Variants in GPC6 observed in about 807,000 individuals in gnomAD.
GPC6 encodes the protein glypican-6.
GPC6 carries 14 observed loss-of-function variants against 55.2 expected under a neutral mutation model. The ratio of observed to expected loss-of-function variants is 0.25; its 90% CI spans 0.17 to 0.40. The LOEUF is 0.40. Ranked by LOEUF, GPC6 falls within the 10% of genes least tolerant of loss-of-function variation. The pLI, the probability that GPC6 is intolerant of heterozygous loss-of-function variation, is 1.00. For synonymous variants in GPC6, 278 were observed against 259.6 expected (o/e 1.07, Z -0.68); for missense variants, 641 against 708.5 (o/e 0.90, Z 1.08).
intron 2 of GPC6, among the ~76,000 whole-genome samples, chr13:93,708,537 T>G (rs532360805): frequency 6.6e-6 from 1 of 151,916 alleles, no homozygotes; most frequent in East Asian, 2.0e-4. Context: ...TCCTCTGATA[T>G]TCACTTACTG....
At chr13:93,676,618 A>G (rs1881644140) in intron 2 of GPC6, among the ~76,000 whole-genome samples, 2 of 152,092 alleles carry the variant, frequency 1.3e-5, no homozygotes, top group Non-Finnish European at 2.9e-5. Flanking sequence ...GATAAACTTC[A>G]TAAACTGACA....
chr13:93,424,554 CTA>C (rs537556580), intron 1 of GPC6, among the ~76,000 whole-genome samples: 73 of 152,042 alleles, frequency 4.8e-4, no homozygotes, highest in Non-Finnish European at 8.8e-4. Context: ...CCACTGAACT[CTA>C]AAAATCTTTT....
At chr13:93,745,190 T>C (rs1884357778) in intron 2 of GPC6, among the ~76,000 whole-genome samples, 1 of 152,128 alleles carries the variant, frequency 6.6e-6, no homozygotes. Context: ...ATTGCTTACC[T>C]GACTTCCTTT....
intron 2 of GPC6, among the ~76,000 whole-genome samples, chr13:93,647,886 T>C (rs986866174): frequency 6.6e-6 from 1 of 152,076 alleles, no homozygotes; most frequent in African/African-American, 2.4e-5. Flanking sequence ...CTACCACCAG[T>C]CTTCTTGAAT....
chr13:93,528,605 G>A (rs188179004), intron 1 of GPC6, among the ~76,000 whole-genome samples: 1 of 152,250 alleles, frequency 6.6e-6, no homozygotes, highest in Admixed American at 6.5e-5. Flanking sequence ...TCAGGCTCTA[G>A]GACTAAAAAC....
At position 94,280,532 on chromosome 13, in the gene GPC6, G is replaced by A. The variant is rs555223291; in HGVS notation, c.878-5817G>A. 1.2e-4 allele frequency among the ~76,000 whole-genome samples: 19 copies of A among 152,296 alleles called. No homozygotes were observed. In the South Asian group the frequency reaches 2.3e-3, roughly 18 times the overall value. ...CGTGCCTGTCTCCAGCACTCCACAG[G>A]AGACAGCAGTGCCCCTAGTTACATT... On this transcript the variant is annotated intron_variant, in intron 4 of 8. Transcript: ENST00000377047.
intron 2 of GPC6, among the ~76,000 whole-genome samples, chr13:93,607,907 G>A (rs1878310382): frequency 1.3e-5 from 2 of 152,144 alleles, no homozygotes; most frequent in South Asian, 2.1e-4. Flanking sequence ...CTGCAATCCT[G>A]GCTGCCACCT....
intron 1 of GPC6, among the ~76,000 whole-genome samples, chr13:93,387,264 C>T (rs1288990406): frequency 6.6e-6 from 1 of 151,938 alleles, no homozygotes. Flanking sequence ...GCTATCAACC[C>T]GTCATCCAGG....
At chr13:93,824,198 T>C (rs904831639) in intron 2 of GPC6, among the ~76,000 whole-genome samples, 2 of 152,216 alleles carry the variant, frequency 1.3e-5, no homozygotes, top group Admixed American at 1.3e-4. Flanking sequence ...CCTTATATAA[T>C]TGCTTTTTAA....
intron 3 of GPC6, among the ~76,000 whole-genome samples, chr13:93,940,413 AATGG>A (rs141500976): frequency 0.21 from 32,088 of 149,900 alleles, 3,484 homozygotes; most frequent in Middle Eastern, 0.26. Flanking sequence ...TGGATGGATG[AATGG>A]ATGGATGGAT....
At chr13:93,670,362 A>T (rs1251080262) in intron 2 of GPC6, among the ~76,000 whole-genome samples, 2 of 152,224 alleles carry the variant, frequency 1.3e-5, no homozygotes, top group Non-Finnish European at 1.5e-5. Flanking sequence ...GTTCTTGAAG[A>T]TAATACTACT....
chr13:93,222,566 C>T (rs893948904), upstream of GPC6, among the ~76,000 whole-genome samples: 1 of 152,132 alleles, frequency 6.6e-6, no homozygotes, highest in Non-Finnish European at 1.5e-5. Context: ...TTATCATTGT[C>T]CAAGTACCAT....
At chr13:94,068,880 C>T (rs780173981) in intron 4 of GPC6, among the ~76,000 whole-genome samples, 26 of 152,276 alleles carry the variant, frequency 1.7e-4, no homozygotes, top group South Asian at 6.2e-4. Flanking sequence ...GCTCCCTTCA[C>T]GGGCTAGCAT....
chr13:93,404,577 A>T (rs1594146265), intron 1 of GPC6, among the ~76,000 whole-genome samples: 1 of 152,298 alleles, frequency 6.6e-6, no homozygotes, highest in East Asian at 1.9e-4. Flanking sequence ...TGCTTGATTG[A>T]TTAGCTTCCT....
At chr13:93,320,759 T>C (rs1879411743) in intron 1 of GPC6, among the ~76,000 whole-genome samples, 1 of 152,106 alleles carries the variant, frequency 6.6e-6, no homozygotes, top group South Asian at 2.1e-4. Flanking sequence ...TTTATTAAAC[T>C]GCAAAAGAAA....
intron 2 of GPC6, among the ~76,000 whole-genome samples, chr13:93,738,909 A>G (rs954305758): frequency 1.4e-4 from 21 of 151,554 alleles, no homozygotes; most frequent in African/African-American, 5.1e-4. Context: ...TCACAGTGAT[A>G]GTTTAAATTC....
rs116213577 is a variant in GPC6 at position 94,132,109 on chromosome 13, G to A, written c.877+104215G>A. 7.0e-3 allele frequency among the ~76,000 whole-genome samples: 1,065 copies of A among 152,170 alleles called. 16 individuals are homozygous for A. The highest frequency in any genetic ancestry group is 0.025 in the African/African-American group (1,036 of 41,530). On this transcript the variant is annotated intron_variant, in intron 4 of 8. Coordinates refer to ENST00000377047, the MANE Select transcript of GPC6 (RefSeq NM_005708.5). ...TGGTGGAGAAAGGTGATTCCAGAGC[G>A]CACGGAGGCCATGATGGTTTTTCAC...
intron 2 of GPC6, among the ~76,000 whole-genome samples, chr13:93,569,868 TC>T (rs771196555): frequency 1.2e-4 from 19 of 152,078 alleles, no homozygotes; most frequent in Non-Finnish European, 2.5e-4. Flanking sequence ...AATTAAGATA[TC>T]TTGTGTAAGT....
At chr13:93,337,012 CA>C (rs1212366317) in intron 1 of GPC6, among the ~76,000 whole-genome samples, 1 of 152,126 alleles carries the variant, frequency 6.6e-6, no homozygotes, top group Non-Finnish European at 1.5e-5. Context: ...TTAATGATGC[CA>C]AAACACACAT....
Sources: gnomAD v4.1 joint callset for allele counts (sites outside exome capture counted in the v4.1 genomes callset) on GRCh38, gnomAD v4.1.1 for gene constraint, MANE v1.5 for transcripts, NCBI Gene and HGNC (gene_info 2026-07-23, HGNC 2026-07-21) for gene names.